The following IGF2BP2 variants were observed in gnomAD, a reference collection of about 807,000 sequenced individuals.
IGF2BP2 encodes the protein insulin like growth factor 2 mRNA binding protein 2.
A neutral mutation model predicts 75.8 loss-of-function variants in IGF2BP2; 17 were observed. That is an observed-to-expected ratio of 0.22 (90% CI 0.15 to 0.34). IGF2BP2 has a LOEUF of 0.34. IGF2BP2 is among the 10% of genes least tolerant of loss of function. The probability of loss-of-function intolerance (pLI) is 1.00; values close to 1 mark genes in which losing one functional copy is unlikely to be tolerated. For missense variants in IGF2BP2, 516 were observed against 772.4 expected, an observed-to-expected ratio of 0.67 and a Z score of 3.93; for synonymous variants, 288 against 295.6, an observed-to-expected ratio of 0.97 and a Z score of 0.26.
intron 2 of IGF2BP2, among the ~76,000 whole-genome samples, chr3:185,723,379 G>C (rs781280528): frequency 1.3e-5 from 2 of 152,152 alleles, no homozygotes; most frequent in Non-Finnish European, 2.9e-5. Context: ...ATTAGGGCTG[G>C]GAAGATGGTT....
chr3:185,801,782 G>T (rs1038533999), intron 2 of IGF2BP2, among the ~76,000 whole-genome samples: 2 of 152,078 alleles, frequency 1.3e-5, no homozygotes, highest in Non-Finnish European at 2.9e-5. Flanking sequence ...GCCCATCAAT[G>T]ATAGACTGGA....
chr3:185,707,142 T>G (rs1324577727), intron 2 of IGF2BP2, among the ~76,000 whole-genome samples: 1 of 151,638 alleles, frequency 6.6e-6, no homozygotes, highest in Non-Finnish European at 1.5e-5. Flanking sequence ...GAAGAATTGC[T>G]TGAACCCAGG....
chr3:185,713,992 C>T (rs1725215766), intron 2 of IGF2BP2, among the ~76,000 whole-genome samples: 1 of 152,204 alleles, frequency 6.6e-6, no homozygotes, highest in Non-Finnish European at 1.5e-5. Flanking sequence ...TGAGCCACCA[C>T]GTCTAGCCCA....
intron 2 of IGF2BP2, among the ~76,000 whole-genome samples, chr3:185,808,687 G>GTA (rs1207573511): frequency 1.3e-5 from 2 of 150,638 alleles, no homozygotes; most frequent in African/African-American, 4.9e-5. Flanking sequence ...AGCCTCCTAA[G>GTA]TAGCTGGGAC....
At chr3:185,771,244 A>G (rs1364660314) in intron 2 of IGF2BP2, among the ~76,000 whole-genome samples, 1 of 152,134 alleles carries the variant, frequency 6.6e-6, no homozygotes, top group Non-Finnish European at 1.5e-5. Context: ...GTTCGAGACC[A>G]GCCTGGCCAA....
intron 12 of IGF2BP2, among the ~76,000 whole-genome samples, chr3:185,655,860 T>C (rs1446715114): frequency 1.3e-5 from 2 of 152,164 alleles, no homozygotes; most frequent in Non-Finnish European, 2.9e-5. Context: ...GACAAGCCAG[T>C]GAAAACTCCC....
chr3:185,766,344 C>T (rs947929280), intron 2 of IGF2BP2, among the ~76,000 whole-genome samples: 3 of 152,070 alleles, frequency 2.0e-5, no homozygotes, highest in South Asian at 2.1e-4. Flanking sequence ...TGATCTAGAA[C>T]GTGGACCAAC....
At chr3:185,731,241 ACTTT>A (rs1481817563) in intron 2 of IGF2BP2, among the ~76,000 whole-genome samples, 3 of 145,318 alleles carry the variant, frequency 2.1e-5, no homozygotes, top group Non-Finnish European at 4.5e-5. Flanking sequence ...TAGCTGCATC[ACTTT>A]CTTTTTTTTT....
chr3:185,702,159 A>G (rs1723397050), intron 2 of IGF2BP2, among the ~76,000 whole-genome samples: 1 of 152,206 alleles, frequency 6.6e-6, no homozygotes, highest in Non-Finnish European at 1.5e-5. Flanking sequence ...CATCAAGGAC[A>G]GGTTCCTTGT....
chr3:185,734,917 CT>C (rs1207867752), intron 2 of IGF2BP2, among the ~76,000 whole-genome samples: 1 of 152,156 alleles, frequency 6.6e-6, no homozygotes, highest in Admixed American at 6.5e-5. Context: ...TCAATCTCCC[CT>C]CTGCAGAGTG....
chr3:185,649,604 G>A (rs1560222845), intron 13 of IGF2BP2, 70 bp from the exon 14 acceptor site: 1 of 1,585,100 alleles, frequency 6.3e-7, no homozygotes, highest in Non-Finnish European at 8.6e-7. Context: ...GTGCTGCGAA[G>A]GGCACTGGAG....
chr3:185,703,014 T>A (rs1162776533), intron 2 of IGF2BP2, among the ~76,000 whole-genome samples: 6 of 152,268 alleles, frequency 3.9e-5, no homozygotes, highest in Middle Eastern at 3.4e-3. Flanking sequence ...CAAATTCAAG[T>A]AAACTAAGTG....
intron 14 of IGF2BP2, among the ~76,000 whole-genome samples, chr3:185,648,373 GA>G (rs1429264691): frequency 6.7e-6 from 1 of 148,766 alleles, no homozygotes; most frequent in African/African-American, 2.5e-5. Context: ...CGAGGAAGGA[GA>G]ATCACCTGAA....
intron 10 of IGF2BP2, among the ~76,000 whole-genome samples, chr3:185,663,568 T>A (rs1716815955): frequency 6.6e-6 from 1 of 152,154 alleles, no homozygotes; most frequent in Non-Finnish European, 1.5e-5. Flanking sequence ...CAAGCTGCGA[T>A]GTGTGACCAT....
chr3:185,792,105 A>G (rs1469083211), intron 2 of IGF2BP2, among the ~76,000 whole-genome samples: 1 of 152,232 alleles, frequency 6.6e-6, no homozygotes, highest in Non-Finnish European at 1.5e-5. Context: ...CCATCTTACT[A>G]AAGATATTAC....
At chr3:185,732,795 C>CA (rs1728364214) in intron 2 of IGF2BP2, among the ~76,000 whole-genome samples, 1 of 152,114 alleles carries the variant, frequency 6.6e-6, no homozygotes, top group South Asian at 2.1e-4. Context: ...ATTTTTTCCC[C>CA]AAATTTAATG....
chr3:185,683,648 T>TCTGC, intron 7 of IGF2BP2, among the ~76,000 whole-genome samples: 1 of 152,098 alleles, frequency 6.6e-6, no homozygotes, highest in Non-Finnish European at 1.5e-5. Flanking sequence ...ACTCAAGTGA[T>TCTGC]CCACCTTGTC....
chr3:185,666,355 C>T (rs1041214222), intron 10 of IGF2BP2, among the ~76,000 whole-genome samples: 5 of 152,122 alleles, frequency 3.3e-5, no homozygotes, highest in South Asian at 2.1e-4. Flanking sequence ...AAGCTTAGGC[C>T]GGGCATGGTG....
chr3:185,721,185 CTTTT>C (rs895896401), intron 2 of IGF2BP2, among the ~76,000 whole-genome samples: 5 of 151,884 alleles, frequency 3.3e-5, no homozygotes, highest in African/African-American at 1.2e-4. Context: ...TCTTCTTCTT[CTTTT>C]TTTGTTTTTG....
Sources: allele counts gnomAD v4.1 joint callset (sites outside exome capture counted in the v4.1 genomes callset), GRCh38; gene constraint gnomAD v4.1.1; transcripts MANE v1.5; gene names NCBI Gene and HGNC (gene_info 2026-07-23, HGNC 2026-07-21).